The following NAXD variants were observed in gnomAD, a reference collection of about 807,000 sequenced individuals.
The protein encoded by NAXD is ATP-dependent (S)-NAD(P)H-hydrate dehydratase.
In NAXD, 22 loss-of-function variants were observed where a neutral mutation model predicts 35.8. That is an observed-to-expected ratio of 0.62 (90% CI 0.44 to 0.88). The LOEUF is 0.88. NAXD is among the 40% of genes least tolerant of loss of function. The probability of loss-of-function intolerance (pLI) is 0.00; values close to 1 mark genes in which losing one functional copy is unlikely to be tolerated. For missense variants in NAXD, 428 were observed against 437.7 expected (o/e 0.98, Z 0.20); for synonymous variants, 189 against 177.6 (o/e 1.06, Z -0.51).
intron 2 of NAXD, among the ~76,000 whole-genome samples, chr13:110,622,964 G>A (rs1022296740): frequency 6.6e-6 from 1 of 152,098 alleles, no homozygotes; most frequent in Non-Finnish European, 1.5e-5. Context: ...GCCATAGGGT[G>A]TGTTAGAGTT....
intron 5 of NAXD, among the ~76,000 whole-genome samples, chr13:110,633,479 C>T (rs1487947339): frequency 5.3e-5 from 8 of 152,238 alleles, no homozygotes; most frequent in African/African-American, 1.9e-4. Flanking sequence ...GGGGCTCCCA[C>T]AGTGCAGTGG....
Position 110,638,267 on chromosome 13 carries a change from A to G in NAXD, c.840-111A>G, listed in dbSNP as rs983132644. 2.5e-6 allele frequency: 4 copies of G among 1,583,574 alleles called. No homozygotes were observed. The highest frequency in any genetic ancestry group is 1.4e-5 in the African/African-American group (1 of 73,536). ...GGGCATATCAGACTTGAAATTGACAATTTGGGGTCCTGAGATTGAAACAGG... is the reference window on the plus strand; with the variant it reads ...GGGCATATCAGACTTGAAATTGACAGTTTGGGGTCCTGAGATTGAAACAGG... On this transcript the variant is annotated intron_variant, in intron 9 of 9. Coordinates refer to ENST00000680254, the MANE Select transcript of NAXD (RefSeq NM_001242882.2). This position sits in a 1 kb window ranked among gnomAD's most constrained non-coding sequence, Gnocchi z 5.4.
chr13:110,615,890 G>A (rs1886032433), intron 1 of NAXD: 1 of 873,306 alleles, frequency 1.1e-6, no homozygotes, highest in Non-Finnish European at 1.5e-6. Context: ...GGAGAGGACG[G>A]AGGCCTCCTG....
chr13:110,629,188 AG>A (rs1886615841), intron 5 of NAXD, among the ~76,000 whole-genome samples: 1 of 152,166 alleles, frequency 6.6e-6, no homozygotes, highest in Admixed American at 6.5e-5. Context: ...CAACCCGATT[AG>A]GTAGATTCCT....
At chr13:110,633,949 C>T (rs1194966281) in intron 5 of NAXD, among the ~76,000 whole-genome samples, 1 of 152,204 alleles carries the variant, frequency 6.6e-6, no homozygotes, top group Non-Finnish European at 1.5e-5. Flanking sequence ...GTATTAGTAT[C>T]TGTTGGAGAA....
At chr13:110,624,364 A>T in intron 3 of NAXD, 85 bp downstream of exon 3, 1 of 867,366 alleles carries the variant, frequency 1.2e-6, no homozygotes, top group Admixed American at 1.9e-5. Flanking sequence ...ATGTTTTCTG[A>T]TAGAAATCTA....
In NAXD at chr13:110,625,292, C is replaced by T. The variant is rs774794461; in HGVS notation, c.332+14C>T. The T allele has an allele frequency of 2.0e-5, 32 of 1,587,830 alleles. No homozygotes were observed. The highest frequency in any genetic ancestry group is 4.0e-5 in the African/African-American group (3 of 74,346). ...CCACCCAGTTCTGTGAGTCGCTCTG[C>T]GCCGGCTTCTCGTAGGTTCTCTTTC... On this transcript the variant is annotated intron_variant, in intron 4 of 9. Transcript: ENST00000680254.
At chr13:110,633,606 G>T (rs1017380566) in intron 5 of NAXD, among the ~76,000 whole-genome samples, 1 of 152,184 alleles carries the variant, frequency 6.6e-6, no homozygotes, top group Admixed American at 6.5e-5. Context: ...TTTGTTTAAT[G>T]TTTTCTATTT....
In NAXD at chr13:110,639,637, G is replaced by C. The variant is rs1887101089; in HGVS notation, c.*1109G>C. On this transcript the variant is annotated 3_prime_UTR_variant, in exon 10 of 10. Transcript: ENST00000680254. Reference sequence around the variant, plus strand: ...TTCTCTGGTCCCATGTCTTAGCGGGGCATGGTACGGTTTCGTGCCTGACGC... The same window carrying C: ...TTCTCTGGTCCCATGTCTTAGCGGGCCATGGTACGGTTTCGTGCCTGACGC... 1 of 152,186 alleles carries C rather than the reference G, an allele frequency of 6.6e-6. No homozygotes were observed. The highest frequency in any genetic ancestry group is 2.4e-5 in the African/African-American group (1 of 41,414). The allele number at this position is 152,186 out of a possible 1,614,324, so 9.4% of individuals were successfully genotyped here. A position where few individuals can be genotyped will look rare whatever the true frequency, so the allele number is the denominator to read the frequency against.
chr13:110,627,642 C>A, intron 5 of NAXD, 95 bp downstream of exon 5: 1 of 809,378 alleles, frequency 1.2e-6, no homozygotes, highest in Non-Finnish European at 2.1e-6. Flanking sequence ...GTGTAGTGTT[C>A]CGTGTGCCTC....
In NAXD at chr13:110,638,787, G is replaced by C. The variant is rs1285708341; in HGVS notation, c.*259G>C. 1 of 639,232 alleles carries C rather than the reference G, an allele frequency of 1.6e-6. No homozygotes were observed. The highest frequency in any genetic ancestry group is 1.8e-5 in the African/African-American group (1 of 55,482). 39.6% of individuals were successfully genotyped at this position (639,232 alleles called of 1,614,324 possible). The stretch of plus-strand genomic sequence containing the variant: ...TCCTTAGCTCCTTGGTAGTAACTGG[G>C]AAGACAGAAATGAAGAAAATCACAT... On this transcript the variant is annotated 3_prime_UTR_variant, in exon 10 of 10. Transcript: ENST00000680254. This position sits in a 1 kb window ranked among gnomAD's most constrained non-coding sequence, Gnocchi z 5.4.
At chr13:110,632,408 C>T (rs1157699232) in intron 5 of NAXD, among the ~76,000 whole-genome samples, 4 of 152,158 alleles carry the variant, frequency 2.6e-5, no homozygotes, top group Non-Finnish European at 4.4e-5. Flanking sequence ...GAAGGGGACC[C>T]GAGCGGGTTA....
At chr13:110,618,414 T>A (rs1460415868) in intron 1 of NAXD, among the ~76,000 whole-genome samples, 1 of 152,204 alleles carries the variant, frequency 6.6e-6, no homozygotes, top group African/African-American at 2.4e-5. Context: ...ATCAAGTTGC[T>A]GTGAAGGTGG....
chr13:110,624,856 G>A (rs1051939820), intron 3 of NAXD, among the ~76,000 whole-genome samples: 3 of 152,358 alleles, frequency 2.0e-5, no homozygotes, highest in East Asian at 3.9e-4. Flanking sequence ...AGCTGAAGCC[G>A]CTGATCCTGC....
At chr13:110,637,100 A>T in intron 8 of NAXD, 29 bp from the exon 9 acceptor site, 2 of 1,584,082 alleles carry the variant, frequency 1.3e-6, no homozygotes, top group Non-Finnish European at 1.7e-6. Flanking sequence ...GGCCATGCTG[A>T]CACCTGCTCT....
intron 2 of NAXD, among the ~76,000 whole-genome samples, chr13:110,622,929 C>A (rs538994992): frequency 1.3e-5 from 2 of 152,188 alleles, no homozygotes; most frequent in Non-Finnish European, 2.9e-5. Flanking sequence ...CTTTGCCCAT[C>A]CCTCCATTTG....
At chr13:110,627,083 A>C (rs2139639352) in intron 4 of NAXD, among the ~76,000 whole-genome samples, 1 of 152,222 alleles carries the variant, frequency 6.6e-6, no homozygotes, top group East Asian at 1.9e-4. Context: ...GATCAGGGAG[A>C]GGCAATGGCC....
chr13:110,619,790 C>CGAT (rs1566613007), intron 1 of NAXD, among the ~76,000 whole-genome samples: 2 of 152,096 alleles, frequency 1.3e-5, no homozygotes. Context: ...GGATGCTGAT[C>CGAT]GATACCCATA....
chr13:110,637,463 G>A (rs962741790), intron 9 of NAXD, among the ~76,000 whole-genome samples: 1 of 152,168 alleles, frequency 6.6e-6, no homozygotes, highest in East Asian at 1.9e-4. Context: ...GATGGGGCCT[G>A]GGGCAGGGGT....
Sources: gnomAD v4.1 joint callset for allele counts (sites outside exome capture counted in the v4.1 genomes callset) on GRCh38, gnomAD v4.1.1 for gene constraint, Gnocchi (gnomAD v3.1) non-coding constraint, MANE v1.5 for transcripts, NCBI Gene and HGNC (gene_info 2026-07-23, HGNC 2026-07-21) for gene names.